Variants in CENPN observed in about 807,000 individuals in gnomAD.
CENPN encodes interphase centromere complex protein 32.
CENPN carries 36 observed loss-of-function variants against 48.6 expected under a neutral mutation model. The ratio of observed to expected loss-of-function variants is 0.74; its 90% CI spans 0.57 to 0.98. The LOEUF is 0.98. Ranked by LOEUF, CENPN falls within the 50% of genes least tolerant of loss-of-function variation. CENPN has a pLI of 0.00. For missense variants in CENPN, 439 were observed against 399.2 expected (o/e 1.10, Z -0.85); for synonymous variants, 166 against 135.2 (o/e 1.23, Z -1.58).
Position 81,016,074 on chromosome 16 carries a change from G to C in CENPN, c.218-1252G>C, listed in dbSNP as rs577305522. Among the ~76,000 whole-genome samples, 4 of 152,114 alleles carry C rather than the reference G, an allele frequency of 2.6e-5. No homozygotes were observed. In the Middle Eastern group the frequency reaches 0.014, roughly 517 times the overall value. The stretch of plus-strand genomic sequence containing the variant: ...AGGCACAGACAGAGGTCAGTGCAGA[G>C]ACAATTTTAAGCCAGAAGGATGAAG... On this transcript the variant is annotated intron_variant, in intron 3 of 10. Coordinates refer to ENST00000305850, the MANE Select transcript of CENPN (RefSeq NM_001100624.3).
At chr16:81,014,554 T>A (rs79378252) in intron 3 of CENPN, among the ~76,000 whole-genome samples, 8,391 of 152,060 alleles carry the variant, frequency 0.055, 258 homozygotes, top group Non-Finnish European at 0.074. Flanking sequence ...CGCCTCAGAG[T>A]CTAGAGTTCA....
At chr16:81,028,111 A>G in intron 9 of CENPN, 60 bp from the exon 10 acceptor site, 11 of 1,254,068 alleles carry the variant, frequency 8.8e-6, no homozygotes, top group Non-Finnish European at 1.3e-5. Context: ...ATTTCATTAT[A>G]TTTTACCATT....
intron 3 of CENPN, among the ~76,000 whole-genome samples, chr16:81,016,545 C>T (rs1171134364): frequency 1.3e-5 from 2 of 152,072 alleles, no homozygotes; most frequent in South Asian, 2.1e-4. Flanking sequence ...GTGGATCACC[C>T]GAGGTCAGGA....
chr16:81,019,692 A>G (rs1970092512), intron 5 of CENPN, among the ~76,000 whole-genome samples: 1 of 151,908 alleles, frequency 6.6e-6, no homozygotes, highest in Non-Finnish European at 1.5e-5. Context: ...TTGAAAAAAC[A>G]ATCACCTCTA....
At position 81,028,062 on chromosome 16, in the gene CENPN, A is replaced by G. The variant is rs892581523; in HGVS notation, c.811-109A>G. 1.0e-4 allele frequency: 101 copies of G among 985,226 alleles called. No homozygotes were observed. The Admixed American group carries it at 2.0e-3, about 20-fold the overall frequency. The allele number at this position is 985,226 out of a possible 1,614,324, so 61.0% of individuals were successfully genotyped here. A position where few individuals can be genotyped will look rare whatever the true frequency, so the allele number is the denominator to read the frequency against. On this transcript the variant is annotated intron_variant, in intron 9 of 10. Transcript: ENST00000305850. ...GGTCCCCACCCCTGTTAATTCCTGTATTTCTTAATGGCAAGAATTAATGAA... is the reference window on the plus strand; with the variant it reads ...GGTCCCCACCCCTGTTAATTCCTGTGTTTCTTAATGGCAAGAATTAATGAA...
intron 3 of CENPN, among the ~76,000 whole-genome samples, chr16:81,016,623 C>T (rs1425917477): frequency 6.6e-6 from 1 of 152,010 alleles, no homozygotes; most frequent in African/African-American, 2.4e-5. Flanking sequence ...ATTAGCCAGG[C>T]GTTGTGGCAG....
chr16:81,009,179 T>A (rs961529282), intron 1 of CENPN, among the ~76,000 whole-genome samples: 4 of 152,110 alleles, frequency 2.6e-5, no homozygotes, highest in Admixed American at 6.5e-5. Flanking sequence ...ATCCCACTAC[T>A]ACACTCTAAT....
chr16:81,027,187 T>A (rs192472765), intron 9 of CENPN, among the ~76,000 whole-genome samples: 231 of 152,204 alleles, frequency 1.5e-3, no homozygotes, highest in African/African-American at 5.3e-3. Context: ...TCTTCCATAA[T>A]TAGAAGTTAA....
In CENPN at chr16:81,028,782, A is replaced by G; in HGVS notation, c.*131A>G. The stretch of plus-strand genomic sequence containing the variant: ...AATCCTTGGTATTGAATTTTTAGAA[A>G]TGCTCACATAATTGTTGGGACTGAT... On this transcript the variant is annotated 3_prime_UTR_variant, in exon 11 of 11. Coordinates refer to ENST00000305850, the MANE Select transcript of CENPN (RefSeq NM_001100624.3). 3 of 1,438,542 alleles carry G rather than the reference A, an allele frequency of 2.1e-6. No individual in the cohort carries two copies. The highest frequency in any genetic ancestry group is 2.7e-6 in the Non-Finnish European group (3 of 1,099,242). 89.1% of individuals were successfully genotyped at this position (1,438,542 alleles called of 1,614,324 possible).
At chr16:81,018,400 C>T (rs1970023402) in intron 5 of CENPN, among the ~76,000 whole-genome samples, 1 of 152,106 alleles carries the variant, frequency 6.6e-6, no homozygotes, top group South Asian at 2.1e-4. Context: ...TCTCGAACTC[C>T]TAACCTCAGA....
At chr16:81,032,647 C>T (rs1970819374), downstream of CENPN, 1 of 1,613,742 alleles carries the variant, frequency 6.2e-7, no homozygotes, top group Non-Finnish European at 8.5e-7. Context: ...GAGCAGCTGG[C>T]AGAAGGACTT....
chr16:81,022,524 A>G, intron 6 of CENPN, 73 bp from the exon 7 acceptor site: 9 of 1,293,196 alleles, frequency 7.0e-6, no homozygotes, highest in Non-Finnish European at 1.0e-5. Flanking sequence ...CAGCTCTTAC[A>G]TTTTACTTTG....
rs1969961198 is a variant in CENPN, at chr16:81,017,053, T to C, written c.218-273T>C. On this transcript the variant is annotated intron_variant, in intron 3 of 10. Coordinates refer to ENST00000305850, the MANE Select transcript of CENPN (RefSeq NM_001100624.3). The stretch of plus-strand genomic sequence containing the variant: ...GTGGCATTCTGTGGAATGGAATAAA[T>C]GGAATGTGGAAATGGAATAAATGGG... 2.4e-5 allele frequency: 7 copies of C among 297,210 alleles called. 1 individual carries two copies. The highest frequency in any genetic ancestry group is 2.2e-3 in the Middle Eastern group (2 of 930). 18.4% of individuals were successfully genotyped at this position (297,210 alleles called of 1,614,324 possible).
intron 7 of CENPN, chr16:81,024,463 T>C (rs1004095938): frequency 2.2e-5 from 6 of 268,454 alleles, no homozygotes; most frequent in Non-Finnish European, 3.5e-5. Flanking sequence ...GTAGATTCCC[T>C]GGGCTCTGCA....
intron 3 of CENPN, among the ~76,000 whole-genome samples, chr16:81,016,206 G>A (rs968331226): frequency 8.6e-5 from 13 of 152,024 alleles, no homozygotes; most frequent in East Asian, 5.8e-4. Flanking sequence ...TCATTCATTC[G>A]TTCATCAAAC....
intron 3 of CENPN, chr16:81,016,857 G>A (rs6564815): frequency 0.033 from 5,401 of 166,088 alleles, 316 homozygotes; most frequent in African/African-American, 0.12. Flanking sequence ...GGGAACTAAC[G>A]CAGGGTGTTT....
chr16:81,025,136 G>A (rs984327001), intron 8 of CENPN, among the ~76,000 whole-genome samples: 2 of 64,880 alleles, frequency 3.1e-5, no homozygotes, highest in Non-Finnish European at 7.4e-5. Flanking sequence ...TGGGTTTCAG[G>A]GAGGTATGGT....
At chr16:81,010,742 T>C (rs1969704100) in intron 1 of CENPN, among the ~76,000 whole-genome samples, 1 of 152,250 alleles carries the variant, frequency 6.6e-6, no homozygotes, top group Non-Finnish European at 1.5e-5. Flanking sequence ...TCTCAGCTAA[T>C]AGTAACTTTG....
chr16:81,012,542 T>A (rs1969784955), intron 2 of CENPN, among the ~76,000 whole-genome samples: 1 of 152,218 alleles, frequency 6.6e-6, no homozygotes, highest in Non-Finnish European at 1.5e-5. Flanking sequence ...GCAAATTTAG[T>A]TCAAATAATT....
Sources: allele counts gnomAD v4.1 joint callset (sites outside exome capture counted in the v4.1 genomes callset), GRCh38; gene constraint gnomAD v4.1.1; transcripts MANE v1.5; gene names NCBI Gene and HGNC (gene_info 2026-07-23, HGNC 2026-07-21).